Variants in FAM227B observed in about 807,000 individuals in gnomAD.
The protein encoded by FAM227B is family with sequence similarity 227 member B, also known as protein FAM227B.
A neutral mutation model predicts 73.8 loss-of-function variants in FAM227B; 88 were observed. The observed-to-expected ratio is 1.19, with a 90% CI of 1.00 to 1.42. The LOEUF is 1.42. Ranked by LOEUF, FAM227B falls within the 40% of genes most tolerant of loss-of-function variation. FAM227B has a pLI of 0.00. For synonymous variants in FAM227B, 210 were observed against 190.5 expected, an observed-to-expected ratio of 1.10 and a Z score of -0.84; for missense variants, 632 against 590.9, an observed-to-expected ratio of 1.07 and a Z score of -0.72.
intron 5 of FAM227B, among the ~76,000 whole-genome samples, chr15:49,586,677 A>G (rs906381121): frequency 6.6e-6 from 1 of 151,738 alleles, no homozygotes; most frequent in Non-Finnish European, 1.5e-5. Flanking sequence ...CACGGAACTT[A>G]ATAAGAAAAA....
chr15:49,340,042 A>G (rs974527546), intron 13 of FAM227B, among the ~76,000 whole-genome samples: 4 of 152,104 alleles, frequency 2.6e-5, no homozygotes, highest in African/African-American at 9.7e-5. Context: ...GTGGATCTTA[A>G]CTTGCTGGGC....
At chr15:49,611,317 G>T in intron 2 of FAM227B, 49 bp from the exon 3 acceptor site, 1 of 929,484 alleles carries the variant, frequency 1.1e-6, no homozygotes, top group Non-Finnish European at 1.7e-6. Flanking sequence ...TCACTAGACT[G>T]TTCATAATAT....
chr15:49,532,528 T>C (rs2152232829), intron 10 of FAM227B, among the ~76,000 whole-genome samples: 1 of 151,864 alleles, frequency 6.6e-6, no homozygotes, highest in Admixed American at 6.6e-5. Flanking sequence ...TAATTGTTTC[T>C]TTGGTGGAAA....
At chr15:49,480,679 C>T (rs922302859) in intron 11 of FAM227B, among the ~76,000 whole-genome samples, 12 of 151,990 alleles carry the variant, frequency 7.9e-5, no homozygotes, top group African/African-American at 2.2e-4. Context: ...AACGGGGTTT[C>T]GCCATGTTGG....
Position 49,575,042 on chromosome 15 carries a change from G to A in FAM227B, c.614C>T (p.Ser205Phe), listed in dbSNP as rs2075362231. 2 of 1,598,088 alleles carry A rather than the reference G, an allele frequency of 1.3e-6. No homozygotes were observed. The highest frequency in any genetic ancestry group is 1.7e-6 in the Non-Finnish European group (2 of 1,171,202). Residue 205 changes from serine to phenylalanine, a missense_variant, in exon 8 of 16, where the codon TCC becomes TTC. Transcript: ENST00000299338. ...TTTATGGAGAAACCACCACCAAAAG[G>A]AGTCATGCAAAAGAGCAATGGAGGC... ...SEASIALLHD[S>F]FWWWFLHKFR...
intron 11 of FAM227B, among the ~76,000 whole-genome samples, chr15:49,493,553 T>C (rs1001478980): frequency 1.3e-5 from 2 of 152,036 alleles, no homozygotes; most frequent in East Asian, 3.9e-4. Context: ...TCTTTAATGA[T>C]TACCAGACTT....
intron 13 of FAM227B, chr15:49,366,602 G>A (rs953274749): frequency 4.4e-6 from 7 of 1,599,788 alleles, no homozygotes; most frequent in Non-Finnish European, 6.0e-6. Context: ...ATGCAAGATT[G>A]CTTCCTGAGC....
chr15:49,424,124 GTGT>G (rs1258255616), intron 11 of FAM227B: 2 of 539,836 alleles, frequency 3.7e-6, no homozygotes, highest in Non-Finnish European at 6.5e-6. Context: ...GAGGAATCCT[GTGT>G]TGTTATCAGG....
chr15:49,577,368 C>G (rs1393805206), intron 6 of FAM227B: 1 of 411,178 alleles, frequency 2.4e-6, no homozygotes, highest in African/African-American at 2.1e-5. Context: ...CTAGCACATT[C>G]ATATGTCATA....
At chr15:49,345,557 G>A (rs1240471739) in intron 13 of FAM227B, among the ~76,000 whole-genome samples, 2 of 152,150 alleles carry the variant, frequency 1.3e-5, no homozygotes, top group Non-Finnish European at 2.9e-5. Context: ...ATGAACAATG[G>A]TTATATTCTA....
intron 11 of FAM227B, among the ~76,000 whole-genome samples, chr15:49,414,235 G>GA (rs2151700257): frequency 6.6e-6 from 1 of 152,198 alleles, no homozygotes; most frequent in African/African-American, 2.4e-5. Context: ...AATTTCAAAG[G>GA]AAATATCTGA....
intron 13 of FAM227B, chr15:49,365,753 T>G (rs2045053868): frequency 2.3e-6 from 2 of 864,122 alleles, no homozygotes; most frequent in South Asian, 2.6e-5. Context: ...CAAGCCCACC[T>G]GTCTTCATTT....
At chr15:49,554,075 T>TG (rs2073363657) in intron 9 of FAM227B, among the ~76,000 whole-genome samples, 1 of 152,178 alleles carries the variant, frequency 6.6e-6, no homozygotes, top group African/African-American at 2.4e-5. Context: ...GCCCAGTTTG[T>TG]GTCTAGAAAT....
At chr15:49,591,335 G>A (rs1469171204) in intron 3 of FAM227B, among the ~76,000 whole-genome samples, 1 of 150,886 alleles carries the variant, frequency 6.6e-6, no homozygotes, top group Non-Finnish European at 1.5e-5. Context: ...CTCCCAAAGT[G>A]CTGGGATTAT....
chr15:49,489,740 C>T (rs942458387), intron 11 of FAM227B, among the ~76,000 whole-genome samples: 1 of 139,138 alleles, frequency 7.2e-6, no homozygotes, highest in South Asian at 2.3e-4. Context: ...ACTGGTATCC[C>T]CTGTTCTATA....
chr15:49,345,917 G>A (rs1030330582), intron 13 of FAM227B, among the ~76,000 whole-genome samples: 3 of 152,158 alleles, frequency 2.0e-5, no homozygotes, highest in African/African-American at 7.2e-5. Context: ...GTGTGTGTGA[G>A]AGACTCAGGA....
chr15:49,577,287 G>A, intron 6 of FAM227B: 1 of 353,920 alleles, frequency 2.8e-6, no homozygotes, highest in Non-Finnish European at 5.5e-6. Flanking sequence ...ACAGAGTGAG[G>A]CCCCATTCCC....
At chr15:49,384,624 C>T (rs1365518082) in intron 11 of FAM227B, among the ~76,000 whole-genome samples, 1 of 151,970 alleles carries the variant, frequency 6.6e-6, no homozygotes, top group African/African-American at 2.4e-5. Context: ...CAGAATTAAA[C>T]AGTCATATTA....
chr15:49,489,873 TATATATATATAGAGAGAG>T (rs2056890947), intron 11 of FAM227B, among the ~76,000 whole-genome samples: 1 of 15,880 alleles, frequency 6.3e-5, no homozygotes, highest in Non-Finnish European at 1.5e-4. Flanking sequence ...TATATATATA[TATATATATATAGAGAGAG>T]AGAGAGAGAG....
Sources: gnomAD v4.1 joint callset for allele counts (sites outside exome capture counted in the v4.1 genomes callset) on GRCh38, gnomAD v4.1.1 for gene constraint, MANE v1.5 for transcripts, NCBI Gene and HGNC (gene_info 2026-07-23, HGNC 2026-07-21) for gene names.